The following COBL variants were observed in gnomAD, a reference collection of about 807,000 sequenced individuals.
COBL encodes cordon-bleu WH2 repeat protein.
In COBL, 51 loss-of-function variants were observed where a neutral mutation model predicts 98.8. That is an observed-to-expected ratio of 0.52 (90% CI 0.41 to 0.65). COBL has a LOEUF of 0.65. COBL is among the 30% of genes least tolerant of loss of function. COBL has a pLI of 0.00. For synonymous variants in COBL, 634 were observed against 651.7 expected (o/e 0.97, Z 0.41); for missense variants, 1,617 against 1,617.5 (o/e 1.00, Z 0.01).
intron 2 of COBL, among the ~76,000 whole-genome samples, chr7:51,199,353 A>T (rs1019259070): frequency 3.9e-5 from 6 of 152,168 alleles, no homozygotes; most frequent in Non-Finnish European, 7.4e-5. Flanking sequence ...ACCAGTCTGT[A>T]AAGACTGGAG....
intron 7 of COBL, among the ~76,000 whole-genome samples, chr7:51,074,886 G>A (rs1792911968): frequency 6.6e-6 from 1 of 152,186 alleles, no homozygotes. Context: ...AAATTTATAA[G>A]TAATAATAAA....
chr7:51,016,562 A>G lies in COBL; in HGVS notation c.*989T>C, dbSNP rs1786303777. 1 of 181,556 alleles carries G rather than the reference A, an allele frequency of 5.5e-6. No homozygotes were observed. The highest frequency in any genetic ancestry group is 2.3e-5 in the African/African-American group (1 of 42,866). 11.2% of individuals were successfully genotyped at this position (181,556 alleles called of 1,614,324 possible). On this transcript the variant is annotated 3_prime_UTR_variant, in exon 13 of 13. Coordinates refer to ENST00000265136, the MANE Select transcript of COBL (RefSeq NM_015198.5). ...GGGCACCATGTGAGAAGACCACGAT[A>G]TCATACAAAGGGAGCCAATGAGCTG... is the stretch of plus-strand genomic sequence containing the variant.
At chr7:51,021,896 T>C (rs1786975283) in intron 12 of COBL, among the ~76,000 whole-genome samples, 1 of 152,204 alleles carries the variant, frequency 6.6e-6, no homozygotes, top group African/African-American at 2.4e-5. Context: ...TTCTAGGAAA[T>C]GCAGTTGGTT....
intron 7 of COBL, chr7:51,071,335 T>C (rs149213474): frequency 6.6e-6 from 1 of 152,362 alleles, no homozygotes; most frequent in African/African-American, 2.4e-5. Context: ...GGCTCTAATG[T>C]CAGCACAGTG....
At chr7:51,020,271 C>T (rs1786797624) in intron 12 of COBL, among the ~76,000 whole-genome samples, 1 of 152,182 alleles carries the variant, frequency 6.6e-6, no homozygotes, top group Non-Finnish European at 1.5e-5. Context: ...TAGATGCTTG[C>T]CCCGCTGCCC....
intron 2 of COBL, among the ~76,000 whole-genome samples, chr7:51,197,688 G>C (rs1045756429): frequency 7.9e-5 from 12 of 152,148 alleles, no homozygotes; most frequent in African/African-American, 2.9e-4. Context: ...TTATGAGTCA[G>C]AGTGCTCCTG....
intron 6 of COBL, among the ~76,000 whole-genome samples, chr7:51,090,544 T>C (rs1027907118): frequency 1.3e-5 from 2 of 152,184 alleles, no homozygotes; most frequent in East Asian, 3.9e-4. Flanking sequence ...CTCGACTGAC[T>C]GGGAGCACTG....
At chr7:51,282,840 C>T (rs1403715924) in intron 1 of COBL, among the ~76,000 whole-genome samples, 1 of 151,774 alleles carries the variant, frequency 6.6e-6, no homozygotes, top group Non-Finnish European at 1.5e-5. Flanking sequence ...AATTACAAGG[C>T]ATACAAAAGT....
intron 6 of COBL, among the ~76,000 whole-genome samples, chr7:51,134,714 A>G (rs1222989807): frequency 6.6e-6 from 1 of 152,188 alleles, no homozygotes; most frequent in East Asian, 1.9e-4. Context: ...GGAAAGGCCA[A>G]TGCTATCAAT....
At chr7:51,222,594 G>C (rs991944283) in intron 1 of COBL, among the ~76,000 whole-genome samples, 2 of 151,968 alleles carry the variant, frequency 1.3e-5, no homozygotes, top group Non-Finnish European at 1.5e-5. Context: ...TACCATTTCA[G>C]AGATGGAAAA....
At chr7:51,165,496 T>G (rs537082645) in intron 5 of COBL, among the ~76,000 whole-genome samples, 3 of 151,898 alleles carry the variant, frequency 2.0e-5, no homozygotes, top group Non-Finnish European at 2.9e-5. Flanking sequence ...AAGAGAGAGA[T>G]AGGACCCAAT....
chr7:51,169,536 T>C (rs1320875935), intron 5 of COBL, among the ~76,000 whole-genome samples: 1 of 152,218 alleles, frequency 6.6e-6, no homozygotes, highest in Admixed American at 6.5e-5. Context: ...GAATGAGATC[T>C]TGTCATTTGC....
chr7:51,237,807 T>C (rs147759912), intron 1 of COBL, among the ~76,000 whole-genome samples: 3 of 152,168 alleles, frequency 2.0e-5, no homozygotes, highest in Admixed American at 6.5e-5. Flanking sequence ...AATATTTACA[T>C]GGTGTTTTAT....
Position 51,265,176 on chromosome 7 carries a change from T to C in COBL, c.42-45232A>G, listed in dbSNP as rs115977459. The stretch of plus-strand genomic sequence containing the variant: ...CTTTCTGTGTGTGTTCCCAGTCCTT[T>C]AACAACCGCGTGCTCATCTGTTTCA... On this transcript the variant is annotated intron_variant, in intron 1 of 12. Transcript: ENST00000265136. Among the ~76,000 whole-genome samples the C allele has an allele frequency of 3.6e-3, 546 of 152,330 alleles. 2 individuals carry two copies. The highest frequency in any genetic ancestry group is 0.012 in the African/African-American group (505 of 41,576).
chr7:51,227,930 TCTATGA>T (rs1794361202), intron 1 of COBL, among the ~76,000 whole-genome samples: 1 of 152,076 alleles, frequency 6.6e-6, no homozygotes, highest in Admixed American at 6.5e-5. Context: ...GAAATATGTG[TCTATGA>T]AACAATCACA....
intron 6 of COBL, among the ~76,000 whole-genome samples, chr7:51,116,065 T>C (rs1178917181): frequency 6.6e-6 from 1 of 152,114 alleles, no homozygotes; most frequent in African/African-American, 2.4e-5. Flanking sequence ...TATCCTTTTC[T>C]ACCCATTCAC....
In COBL at chr7:51,193,607, A is replaced by G; in HGVS notation, c.246-18T>C. 6.2e-7 allele frequency: 1 copy of G among 1,609,376 alleles called. No homozygotes were observed. The highest frequency in any genetic ancestry group is 2.2e-5 in the East Asian group (1 of 44,850). ...TCGCATGGCTGAAAAAAGGAAAACA[A>G]ATCATGATTATTAGGAATGACTGCA... On this transcript the variant is annotated intron_variant, in intron 2 of 12. Coordinates refer to ENST00000265136, the MANE Select transcript of COBL (RefSeq NM_015198.5).
intron 1 of COBL, among the ~76,000 whole-genome samples, chr7:51,306,226 C>A (rs1802461678): frequency 6.6e-6 from 1 of 152,106 alleles, no homozygotes; most frequent in Non-Finnish European, 1.5e-5. Context: ...GTGCTCAGTT[C>A]ATCCCTGCTG....
At position 51,043,673 on chromosome 7, in the gene COBL, A is replaced by G. The variant is rs1172880919; in HGVS notation, c.1116T>C (p.Ser372=). 6.2e-7 allele frequency: 1 copy of G among 1,613,832 alleles called. No individual in the cohort carries two copies. The highest frequency in any genetic ancestry group is 8.5e-7 in the Non-Finnish European group (1 of 1,179,968). The stretch of plus-strand genomic sequence containing the variant: ...CTCCATCCGGGCTGCAGTGGCTGCC[A>G]GACCCCAGGGGCAGGCTTACTGGAC... The part of the protein sequence containing the change: ...KSTMVSLPLG[S]GSHCSPDGAP... Residue 372 remains serine, a synonymous_variant, in exon 8 of 13, where the codon TCT becomes TCC. Transcript: ENST00000265136.
Sources: gnomAD v4.1 joint callset for allele counts (sites outside exome capture counted in the v4.1 genomes callset) on GRCh38, gnomAD v4.1.1 for gene constraint, MANE v1.5 for transcripts, NCBI Gene and HGNC (gene_info 2026-07-23, HGNC 2026-07-21) for gene names.